The following DTNA variants were observed in gnomAD, a reference collection of about 807,000 sequenced individuals.
DTNA encodes dystrophin-related protein 3.
In DTNA, 43 loss-of-function variants were observed where a neutral mutation model predicts 100.7. The observed-to-expected ratio is 0.43, with a 90% CI of 0.33 to 0.55. DTNA has a LOEUF of 0.55. Among genes scored for constraint, DTNA ranks in the 20% least tolerant of loss-of-function variants. The pLI is 0.04. For synonymous variants in DTNA, 349 were observed against 347.9 expected, an observed-to-expected ratio of 1.00 and a Z score of -0.04; for missense variants, 798 against 953.9, an observed-to-expected ratio of 0.84 and a Z score of 2.15.
At chr18:34,578,881 A>G (rs1396562588) in intron 1 of DTNA, among the ~76,000 whole-genome samples, 1 of 152,082 alleles carries the variant, frequency 6.6e-6, no homozygotes, top group African/African-American at 2.4e-5. Context: ...CTTTACATTT[A>G]ATGTAATGTT....
At chr18:34,634,788 C>T (rs2058481556) in intron 1 of DTNA, among the ~76,000 whole-genome samples, 1 of 152,100 alleles carries the variant, frequency 6.6e-6, no homozygotes, top group African/African-American at 2.4e-5. Context: ...CTAAATTGAG[C>T]TAACATATGC....
chr18:34,866,858 G>A (rs769780834), intron 17 of DTNA: 18 of 1,039,774 alleles, frequency 1.7e-5, no homozygotes, highest in Admixed American at 5.6e-5. Flanking sequence ...TCCGGGAGAC[G>A]AGAGGGTCAT....
intron 6 of DTNA, among the ~76,000 whole-genome samples, chr18:34,814,644 A>G (rs2095556742): frequency 6.6e-6 from 1 of 152,086 alleles, no homozygotes; most frequent in South Asian, 2.1e-4. Flanking sequence ...GTGAGCTATA[A>G]TTGTGCCACT....
chr18:34,817,543 A>C (rs1418978891), intron 7 of DTNA, among the ~76,000 whole-genome samples: 1 of 151,998 alleles, frequency 6.6e-6, no homozygotes, highest in Admixed American at 6.6e-5. Flanking sequence ...GATAATTTGC[A>C]CATCTTTTTT....
At chr18:34,496,678 T>C (rs1179994400) in intron 1 of DTNA, among the ~76,000 whole-genome samples, 1 of 152,152 alleles carries the variant, frequency 6.6e-6, no homozygotes, top group African/African-American at 2.4e-5. Context: ...TTTAATAAAA[T>C]AATTATACCA....
At chr18:34,847,640 C>T (rs535044989) in intron 13 of DTNA, among the ~76,000 whole-genome samples, 1 of 152,296 alleles carries the variant, frequency 6.6e-6, no homozygotes, top group Non-Finnish European at 1.5e-5. Flanking sequence ...TTCTCATCAC[C>T]TAGGTCTTTC....
intron 1 of DTNA, among the ~76,000 whole-genome samples, chr18:34,754,692 C>T (rs1481947051): frequency 2.6e-5 from 4 of 151,778 alleles, no homozygotes; most frequent in Admixed American, 6.6e-5. Flanking sequence ...TGTGTTGATC[C>T]GTGTATACAT....
intron 3 of DTNA, among the ~76,000 whole-genome samples, chr18:34,790,413 G>A (rs1299263862): frequency 3.4e-5 from 5 of 146,196 alleles, no homozygotes; most frequent in East Asian, 1.9e-4. Context: ...TAATGTTGAC[G>A]CCAAGGTATA....
chr18:34,514,312 A>G (rs762452152), intron 1 of DTNA, among the ~76,000 whole-genome samples: 22 of 152,006 alleles, frequency 1.4e-4, no homozygotes, highest in Non-Finnish European at 2.9e-4. Context: ...TGTTGGGGGG[A>G]GTGAAAACAC....
intron 3 of DTNA, among the ~76,000 whole-genome samples, chr18:34,784,008 A>G (rs2094429374): frequency 6.6e-6 from 1 of 152,168 alleles, no homozygotes. Flanking sequence ...GTTGTGCTCC[A>G]TAGCAGTGGT....
chr18:34,523,207 A>T (rs2042305838), intron 1 of DTNA, among the ~76,000 whole-genome samples: 1 of 151,922 alleles, frequency 6.6e-6, no homozygotes. Context: ...TCACCAATAT[A>T]CTCCTTTTTT....
At chr18:34,737,380 A>G (rs2089819734) in intron 1 of DTNA, among the ~76,000 whole-genome samples, 1 of 152,184 alleles carries the variant, frequency 6.6e-6, no homozygotes, top group South Asian at 2.1e-4. Flanking sequence ...TCTTCTAAAG[A>G]CGGTCTGGTT....
chr18:34,730,605 G>A (rs1468678726), intron 1 of DTNA, among the ~76,000 whole-genome samples: 1 of 152,138 alleles, frequency 6.6e-6, no homozygotes, highest in Admixed American at 6.5e-5. Context: ...GTGTCCATAT[G>A]TCCTCATTTG....
At chr18:34,737,245 T>C (rs1184163046) in intron 1 of DTNA, among the ~76,000 whole-genome samples, 3 of 152,232 alleles carry the variant, frequency 2.0e-5, no homozygotes, top group Non-Finnish European at 2.9e-5. Flanking sequence ...GCTGTACCTA[T>C]GAAGGCTGTT....
In DTNA at chr18:34,680,770, G is replaced by A. The variant is rs16965764; in HGVS notation, c.-1-75206G>A. 8.2e-3 allele frequency among the ~76,000 whole-genome samples: 1,249 copies of A among 152,192 alleles called. 10 individuals are homozygous for A. The highest frequency in any genetic ancestry group is 0.028 in the African/African-American group (1,171 of 41,548). On this transcript the variant is annotated intron_variant, in intron 1 of 19. Transcript: ENST00000283365. ...AAATACCAGTAAATCAATTTGCCTA[G>A]TGTAACAGTTACTCTAGAAGAAAAA...
chr18:34,703,624 G>A (rs902867272), intron 1 of DTNA, among the ~76,000 whole-genome samples: 1 of 152,156 alleles, frequency 6.6e-6, no homozygotes, highest in Non-Finnish European at 1.5e-5. Flanking sequence ...ATTGACTCCA[G>A]GGATCTCTGA....
At chr18:34,868,711 T>G in intron 17 of DTNA, 1 of 985,358 alleles carries the variant, frequency 1.0e-6, no homozygotes, top group Non-Finnish European at 1.2e-6. Flanking sequence ...CATGAATTTA[T>G]CCCTCTCGAG....
At chr18:34,748,570 T>G (rs2091943633) in intron 1 of DTNA, among the ~76,000 whole-genome samples, 1 of 152,200 alleles carries the variant, frequency 6.6e-6, no homozygotes, top group African/African-American at 2.4e-5. Flanking sequence ...GAGTGTCCTT[T>G]CCCTAATTTA....
chr18:34,757,895 G>T lies in DTNA; in HGVS notation c.67+1852G>T, dbSNP rs886946537. Among the ~76,000 whole-genome samples, 6 of 152,184 alleles carry T rather than the reference G, an allele frequency of 3.9e-5. 1 individual carries two copies. In the East Asian group the frequency reaches 1.2e-3, roughly 29 times the overall value. On this transcript the variant is annotated intron_variant, in intron 2 of 22. Transcript: ENST00000444659. ...AACAAATATATATCTTTCCTCCCTG[G>T]GTGTTCCAACTCAAATGTTGGCAAA...
Sources: gnomAD v4.1 joint callset for allele counts (sites outside exome capture counted in the v4.1 genomes callset) on GRCh38, gnomAD v4.1.1 for gene constraint, MANE v1.5 for transcripts, NCBI Gene and HGNC (gene_info 2026-07-23, HGNC 2026-07-21) for gene names.